Variants in SUSD4 observed in about 807,000 individuals in gnomAD.
SUSD4 encodes sushi domain containing 4.
A neutral mutation model predicts 50.5 loss-of-function variants in SUSD4; 41 were observed. The ratio of observed to expected loss-of-function variants is 0.81; its 90% CI spans 0.63 to 1.05. SUSD4 has a LOEUF of 1.05. Among genes scored for constraint, SUSD4 ranks in the 50% least tolerant of loss-of-function variants. SUSD4 has a pLI of 0.00. For missense variants in SUSD4, 580 were observed against 634.7 expected (o/e 0.91, Z 0.93); for synonymous variants, 257 against 257.3 (o/e 1.00, Z 0.01).
intron 2 of SUSD4, among the ~76,000 whole-genome samples, chr1:223,347,159 T>C (rs895435263): frequency 2.0e-5 from 3 of 152,174 alleles, no homozygotes; most frequent in Non-Finnish European, 4.4e-5. Context: ...ATATGGAAAA[T>C]TGGGCATCCA....
chr1:223,305,348 C>T (rs1320552112), intron 2 of SUSD4, among the ~76,000 whole-genome samples: 1 of 152,084 alleles, frequency 6.6e-6, no homozygotes, highest in Admixed American at 6.5e-5. Context: ...ACCCATGAGA[C>T]TAAGCAAAAG....
At chr1:223,336,281 T>C (rs1187780252) in intron 2 of SUSD4, among the ~76,000 whole-genome samples, 1 of 152,052 alleles carries the variant, frequency 6.6e-6, no homozygotes, top group Non-Finnish European at 1.5e-5. Flanking sequence ...TAAACAACAA[T>C]TGGGAGACAA....
At chr1:223,256,533 A>C (rs892728770) in intron 5 of SUSD4, among the ~76,000 whole-genome samples, 2 of 152,140 alleles carry the variant, frequency 1.3e-5, no homozygotes. Context: ...TCACAGGCTG[A>C]CTGTATAAAC....
intron 2 of SUSD4, among the ~76,000 whole-genome samples, chr1:223,295,344 T>A (rs1664750990): frequency 6.6e-6 from 1 of 152,210 alleles, no homozygotes; most frequent in South Asian, 2.1e-4. Context: ...CCCTGAAACC[T>A]GGGTAATCTG....
chr1:223,238,063 G>A (rs192643923), intron 5 of SUSD4, among the ~76,000 whole-genome samples: 1 of 152,066 alleles, frequency 6.6e-6, no homozygotes, highest in East Asian at 1.9e-4. Flanking sequence ...TTCTTCTTGT[G>A]TGAGTTTTGG....
intron 2 of SUSD4, among the ~76,000 whole-genome samples, chr1:223,346,608 C>T (rs974119279): frequency 6.6e-6 from 1 of 152,136 alleles, no homozygotes; most frequent in Admixed American, 6.5e-5. Context: ...CCAGCCCCAC[C>T]ACTTCTAATT....
rs1275010262 is a variant in SUSD4, at chr1:223,221,190, C to T, written c.*1002G>A. On this transcript the variant is annotated 3_prime_UTR_variant, in exon 9 of 9. Transcript: ENST00000366878. ...CAAATAAAAGGGGGAAAAATCCAAC[C>T]TCACACTTCTTTTGAAGGTCGGATA... 7.5e-6 allele frequency: 3 copies of T among 400,498 alleles called. No individual in the cohort carries two copies. Among genetic ancestry groups the T allele is most frequent in the Middle Eastern group, 3.1e-4 (1 of 3,210 alleles). 24.8% of individuals were successfully genotyped at this position (400,498 alleles called of 1,614,324 possible).
At chr1:223,323,194 AGGAAGG>A (rs1403812252) in intron 2 of SUSD4, among the ~76,000 whole-genome samples, 1 of 150,858 alleles carries the variant, frequency 6.6e-6, no homozygotes, top group Non-Finnish European at 1.5e-5. Flanking sequence ...GGAAGGAGGA[AGGAAGG>A]AGGGGGATGG....
chr1:223,354,347 A>AG (rs1668538163), intron 2 of SUSD4, among the ~76,000 whole-genome samples: 1 of 152,112 alleles, frequency 6.6e-6, no homozygotes, highest in Non-Finnish European at 1.5e-5. Context: ...CTCCAAAAAA[A>AG]AAAAAAAGAA....
intron 2 of SUSD4, among the ~76,000 whole-genome samples, chr1:223,321,793 A>T (rs537387234): frequency 6.6e-6 from 1 of 152,382 alleles, no homozygotes; most frequent in South Asian, 2.1e-4. Flanking sequence ...ACTGAAATAT[A>T]GTTATCAAAA....
intron 2 of SUSD4, among the ~76,000 whole-genome samples, chr1:223,362,759 A>C (rs560782864): frequency 7.2e-5 from 11 of 151,940 alleles, no homozygotes; most frequent in Non-Finnish European, 1.5e-4. Flanking sequence ...GGGGAAGGGA[A>C]AGTTAACTTT....
intron 4 of SUSD4, among the ~76,000 whole-genome samples, chr1:223,265,411 A>C (rs1662424403): frequency 6.6e-6 from 1 of 152,202 alleles, no homozygotes; most frequent in Non-Finnish European, 1.5e-5. Context: ...AGTGGTTCTC[A>C]AACTCGAGAA....
intron 2 of SUSD4, among the ~76,000 whole-genome samples, chr1:223,359,326 C>A (rs1034263453): frequency 2.0e-5 from 3 of 152,162 alleles, no homozygotes; most frequent in Non-Finnish European, 4.4e-5. Context: ...ATTAAACGGA[C>A]TATTTTCTGC....
intron 2 of SUSD4, among the ~76,000 whole-genome samples, chr1:223,312,285 A>G (rs1483789622): frequency 6.6e-6 from 1 of 152,188 alleles, no homozygotes; most frequent in African/African-American, 2.4e-5. Context: ...GGAGCCTACA[A>G]TTTGTCTCAT....
chr1:223,315,408 T>C (rs2096082), intron 2 of SUSD4, among the ~76,000 whole-genome samples: 82,236 of 152,096 alleles, frequency 0.54, 22,246 homozygotes, highest in African/African-American at 0.58. Flanking sequence ...CTAAGATTGG[T>C]CTTTTGAGAT....
At chr1:223,248,918 G>A (rs1661118998) in intron 5 of SUSD4, among the ~76,000 whole-genome samples, 1 of 152,208 alleles carries the variant, frequency 6.6e-6, no homozygotes, top group African/African-American at 2.4e-5. Context: ...GGAAGCCACA[G>A]AGGAGCACAC....
chr1:223,228,398 G>C (rs1434629326), intron 6 of SUSD4, among the ~76,000 whole-genome samples: 1 of 152,190 alleles, frequency 6.6e-6, no homozygotes, highest in Non-Finnish European at 1.5e-5. Context: ...TGCGCCTCCA[G>C]AGACCTGGCA....
chr1:223,309,867 T>C (rs935455445), intron 2 of SUSD4, among the ~76,000 whole-genome samples: 7 of 152,186 alleles, frequency 4.6e-5, no homozygotes, highest in African/African-American at 1.7e-4. Flanking sequence ...GATAATTTGG[T>C]TTCTCCTGTG....
chr1:223,270,516 T>A (rs941983994), intron 3 of SUSD4, among the ~76,000 whole-genome samples: 6 of 152,158 alleles, frequency 3.9e-5, no homozygotes, highest in African/African-American at 1.4e-4. Context: ...GGTGAAGAAC[T>A]GTGTTCTGGC....
Sources: allele counts gnomAD v4.1 joint callset (sites outside exome capture counted in the v4.1 genomes callset), GRCh38; gene constraint gnomAD v4.1.1; transcripts MANE v1.5; gene names NCBI Gene and HGNC (gene_info 2026-07-23, HGNC 2026-07-21).